Variants in CFAP43 observed in about 807,000 individuals in gnomAD.
CFAP43 encodes cilia and flagella associated protein 43, also known as cilia- and flagella-associated protein 43.
A neutral mutation model predicts 218.9 loss-of-function variants in CFAP43; 155 were observed. The observed-to-expected ratio is 0.71, with a 90% CI of 0.62 to 0.81. CFAP43 has a LOEUF of 0.81. CFAP43 is among the 30% of genes least tolerant of loss of function. The pLI is 0.00. For synonymous variants in CFAP43, 645 were observed against 681.3 expected (o/e 0.95, Z 0.83); for missense variants, 1,778 against 1,954.3 (o/e 0.91, Z 1.70).
At chr10:104,205,471 A>C (rs935991159) in intron 7 of CFAP43, among the ~76,000 whole-genome samples, 3 of 152,154 alleles carry the variant, frequency 2.0e-5, no homozygotes, top group Non-Finnish European at 4.4e-5. Flanking sequence ...ATACAAGTAA[A>C]GTACTTAGCT....
rs774446197 is a variant in CFAP43, at chr10:104,172,527, A to G, written c.2469T>C (p.Asn823=). The G allele has an allele frequency of 4.4e-6, 7 of 1,596,530 alleles. No homozygotes were observed. The highest frequency in any genetic ancestry group is 4.3e-6 in the Non-Finnish European group (5 of 1,174,732). Residue 823 remains asparagine, a synonymous_variant, in exon 20 of 38, where the codon AAT becomes AAC. Transcript: ENST00000357060. ...GIKSLSKTIL[N]MMEENDKLEN... is the part of the protein sequence containing the mutation. Reference sequence around the variant, plus strand: ...CTAGTTTGTCATTTTCTTCCATCATATTCAGAATCTGAATGTTGAAATAAA... The same window carrying G: ...CTAGTTTGTCATTTTCTTCCATCATGTTCAGAATCTGAATGTTGAAATAAA...
chr10:104,230,642 A>C lies in CFAP43; in HGVS notation c.267T>G (p.Pro89=). Reference sequence around the variant, plus strand: ...CTGGAAAGCTGTATACGTAGATGAGAGGTTTTAGCTTCCGGTCAGAAAAAG... The same window carrying C: ...CTGGAAAGCTGTATACGTAGATGAGCGGTTTTAGCTTCCGGTCAGAAAAAG... ...VVAFSDRKLK[P]LIYVYSFPGL... Residue 89 remains proline (P), a synonymous_variant, in exon 2 of 38, where the codon CCT becomes CCG. Coordinates refer to ENST00000357060, the MANE Select transcript of CFAP43 (RefSeq NM_025145.7). 1 of 1,614,080 alleles carries C rather than the reference A, an allele frequency of 6.2e-7. No individual in the cohort carries two copies. The highest frequency in any genetic ancestry group is 2.2e-5 in the East Asian group (1 of 44,866).
At chr10:104,203,836 G>A in intron 7 of CFAP43, 33 bp from the exon 8 acceptor site, 1 of 1,564,938 alleles carries the variant, frequency 6.4e-7, no homozygotes, top group Non-Finnish European at 8.6e-7. Context: ...TAGAAAATCA[G>A]TCTTAGTCAA....
intron 6 of CFAP43, among the ~76,000 whole-genome samples, chr10:104,206,736 C>A (rs1390348755): frequency 1.3e-5 from 2 of 152,158 alleles, no homozygotes; most frequent in African/African-American, 4.8e-5. Flanking sequence ...TTGGCAAGGC[C>A]CCCTCCTCCC....
chr10:104,166,577 T>C lies in CFAP43; in HGVS notation c.2950A>G (p.Thr984Ala), dbSNP rs2089165329. The change falls in exon 23 of 38, where the codon ACT (threonine) becomes GCT (alanine). Residue 984 changes from threonine (T) to alanine (A), a missense_variant. By Grantham distance (58) the Thr-to-Ala change is moderately conservative (BLOSUM62 0). This residue lies in a region of CFAP43 where 1,553 missense variants were observed against 1,685.2 expected (regional missense o/e 0.92). Transcript: ENST00000357060. ...AAAGAGGTATCTACCCCAAAATCAG[T>C]ACTCAGACTACCAAGCAGGTAATTG... ...LPNYLLGSLS[T>A]DFGVDTSLLS... 6.2e-6 allele frequency: 10 copies of C among 1,614,156 alleles called. No individual in the cohort carries two copies. Among genetic ancestry groups the C allele is most frequent in the Non-Finnish European group, 7.6e-6 (9 of 1,180,016 alleles).
chr10:104,204,648 C>T (rs750146803), intron 7 of CFAP43, among the ~76,000 whole-genome samples: 57 of 152,234 alleles, frequency 3.7e-4, no homozygotes, highest in Non-Finnish European at 6.3e-4. Context: ...ATAAAAGGCA[C>T]AAATGCTGAC....
Position 104,232,268 on chromosome 10 carries a change from G to T in CFAP43, c.-22C>A, listed in dbSNP as rs767571567. 6.3e-7 allele frequency: 1 copy of T among 1,587,416 alleles called. No homozygotes were observed. Among genetic ancestry groups the T allele is most frequent in the Non-Finnish European group, 8.6e-7 (1 of 1,169,258 alleles). On this transcript the variant is annotated 5_prime_UTR_variant, in exon 1 of 38. Transcript: ENST00000357060. The stretch of plus-strand genomic sequence containing the variant: ...CCATGGGCAGTGTTTTCCTCAGGCG[G>T]GAGCAGGCAGCGCACGCAGCACCCC...
intron 35 of CFAP43, 21 bp from the exon 36 acceptor site, chr10:104,132,217 A>C: frequency 6.7e-7 from 1 of 1,493,470 alleles, no homozygotes; most frequent in Non-Finnish European, 9.2e-7. Flanking sequence ...AAAAAAAAAC[A>C]TGTAAGGATA....
intron 29 of CFAP43, 128 bp downstream of exon 29, chr10:104,147,763 G>C (rs2088045758): frequency 2.0e-6 from 1 of 492,674 alleles, no homozygotes; most frequent in African/African-American, 2.0e-5. Context: ...AGGGAGCCAA[G>C]GGATGCACAT....
At chr10:104,187,667 G>A (rs899633072) in intron 13 of CFAP43, among the ~76,000 whole-genome samples, 175 bp from the exon 14 acceptor site, 2 of 152,178 alleles carry the variant, frequency 1.3e-5, no homozygotes, top group Admixed American at 1.3e-4. Context: ...AAATACTTGA[G>A]TATTAAATGA....
At chr10:104,171,036 C>G (rs1440455597) in intron 20 of CFAP43, among the ~76,000 whole-genome samples, 2 of 152,196 alleles carry the variant, frequency 1.3e-5, no homozygotes, top group South Asian at 4.1e-4. Flanking sequence ...ATCTCTCTCT[C>G]CCTTTAGTTC....
rs201999098 is a variant in CFAP43, at chr10:104,133,639, A to G, written c.4577T>C (p.Phe1526Ser). ...QKAWDIQMLFFSRDRQKYLNE... is the reference protein window; with the variant it reads ...QKAWDIQMLFSSRDRQKYLNE... ...ATTTACCTTTTGACGATCTCTTGAA[A>G]AAAATAGCATCTGAATATCCCAAGC... is the stretch of plus-strand genomic sequence containing the variant. Residue 1526 changes from phenylalanine (F) to serine (S), a missense_variant, in exon 35 of 38, where the codon TTT becomes TCT. Physicochemically the swap from Phe to Ser is radical, Grantham distance 155. Transcript: ENST00000357060. 2 of 1,611,714 alleles carry G rather than the reference A, an allele frequency of 1.2e-6. No homozygotes were observed. The highest frequency in any genetic ancestry group is 1.7e-6 in the Non-Finnish European group (2 of 1,179,364).
At chr10:104,166,443 TG>T in intron 23 of CFAP43, 44 bp downstream of exon 23, 1 of 1,436,558 alleles carries the variant, frequency 7.0e-7, no homozygotes, top group Non-Finnish European at 9.6e-7. Flanking sequence ...AGCCACCTAA[TG>T]GGGAGTCTAG....
chr10:104,168,079 CT>C (rs138357422), intron 21 of CFAP43, among the ~76,000 whole-genome samples: 136 of 152,256 alleles, frequency 8.9e-4, no homozygotes, highest in African/African-American at 3.2e-3. Context: ...ATGCTACTGT[CT>C]CCAAATAGAG....
At chr10:104,217,893 T>C (rs2091059277) in intron 3 of CFAP43, among the ~76,000 whole-genome samples, 1 of 152,244 alleles carries the variant, frequency 6.6e-6, no homozygotes, top group Non-Finnish European at 1.5e-5. Context: ...ATTTCAGGTC[T>C]GTTTACATTT....
chr10:104,201,906 G>A (rs1028058718), intron 8 of CFAP43, among the ~76,000 whole-genome samples: 9 of 151,978 alleles, frequency 5.9e-5, no homozygotes, highest in Middle Eastern at 6.8e-3. Flanking sequence ...TTTTTCACCC[G>A]CATACTGAAA....
chr10:104,148,671 ACCCCAGCT>A (rs2088100204), intron 28 of CFAP43, among the ~76,000 whole-genome samples: 1 of 152,162 alleles, frequency 6.6e-6, no homozygotes, highest in African/African-American at 2.4e-5. Flanking sequence ...ATTTCTGCAC[ACCCCAGCT>A]CCCCTTCACC....
In CFAP43 at chr10:104,214,421, C is replaced by A; in HGVS notation, c.422G>T (p.Trp141Leu). The A allele has an allele frequency of 6.4e-7, 1 of 1,573,828 alleles. No individual in the cohort carries two copies. Among genetic ancestry groups the A allele is most frequent in the Non-Finnish European group, 8.6e-7 (1 of 1,157,406 alleles). ...CTTACACAAAATGATACTCGATTCCCAGTTCCTTAGAGAAAAATAGCATTT... is the reference window on the plus strand; with the variant it reads ...CTTACACAAAATGATACTCGATTCCAAGTTCCTTAGAGAAAAATAGCATTT... ...LPEFELALWN[W>L]ESSIILCKKS... The change falls in exon 4 of 38, where the codon TGG becomes TTG. Residue 141 changes from tryptophan to leucine, a missense_variant. Trp to Leu is a moderately conservative substitution (Grantham distance 61). This residue lies in a region of CFAP43 where 1,553 missense variants were observed against 1,685.2 expected (regional missense o/e 0.92). Coordinates refer to ENST00000357060, the MANE Select transcript of CFAP43 (RefSeq NM_025145.7).
intron 27 of CFAP43, among the ~76,000 whole-genome samples, chr10:104,157,354 A>T (rs1463555102): frequency 2.0e-5 from 3 of 152,224 alleles, no homozygotes; most frequent in African/African-American, 7.2e-5. Context: ...AAGTATTTGG[A>T]ATGTTTTACA....
Sources: gnomAD v4.1 joint callset for allele counts (sites outside exome capture counted in the v4.1 genomes callset) on GRCh38, gnomAD v4.1.1 for gene constraint, gnomAD v4.1.1 regional missense constraint, MANE v1.5 for transcripts, NCBI Gene and HGNC (gene_info 2026-07-23, HGNC 2026-07-21) for gene names.